WDR33: variants seen among roughly 807,000 people sequenced by gnomAD.
WDR33 encodes pre-mRNA 3' end processing protein WDR33.
A neutral mutation model predicts 164.9 loss-of-function variants in WDR33; 47 were observed. The observed-to-expected ratio is 0.29, with a 90% CI of 0.23 to 0.36. WDR33 has a LOEUF of 0.36. Ranked by LOEUF, WDR33 falls within the 10% of genes least tolerant of loss-of-function variation. WDR33 has a pLI of 1.00. For synonymous variants in WDR33, 505 were observed against 589.0 expected, an observed-to-expected ratio of 0.86 and a Z score of 2.06; for missense variants, 1,137 against 1,754.1, an observed-to-expected ratio of 0.65 and a Z score of 6.28.
At chr2:127,798,367 C>CAAAAAAAAAAAAAA (rs61568967) in intron 1 of WDR33, among the ~76,000 whole-genome samples, 1 of 19,298 alleles carries the variant, frequency 5.2e-5, no homozygotes, top group Non-Finnish European at 1.2e-4. Context: ...GACACCGTCG[C>CAAAAAAAAAAAAAA]AAAAAAAAAA....
chr2:127,713,298 C>T lies in WDR33; in HGVS notation c.3308+285G>A, dbSNP rs1390684560. On this transcript the variant is annotated intron_variant, in intron 18 of 21. Coordinates refer to ENST00000322313, the MANE Select transcript of WDR33 (RefSeq NM_018383.5). This position sits in a 1 kb window ranked among gnomAD's most constrained non-coding sequence, Gnocchi z 6.2. Reference sequence around the variant, plus strand: ...AGAACCTGGAAATTTTAAGTCAGATCCCAGCAAGTCTTGTAGTACACTGAT... The same window carrying T: ...AGAACCTGGAAATTTTAAGTCAGATTCCAGCAAGTCTTGTAGTACACTGAT... Among the ~76,000 whole-genome samples, 1 of 152,134 alleles carries T rather than the reference C, an allele frequency of 6.6e-6. No homozygotes were observed. Among genetic ancestry groups the T allele is most frequent in the Non-Finnish European group, 1.5e-5 (1 of 68,024 alleles).
chr2:127,701,738 C>T lies in WDR33; in HGVS notation c.*4585G>A, dbSNP rs1003940997. The T allele has an allele frequency of 2.1e-5, 30 of 1,408,490 alleles. 1 individual carries two copies. The Admixed American group carries it at 7.4e-4, about 35-fold the overall frequency. The allele number at this position is 1,408,490 out of a possible 1,614,324, so 87.2% of individuals were successfully genotyped here. Reference sequence around the variant, plus strand: ...CGGCCGGCCTGACGTGCCTCCCGAGCGTGACGCGCGGGCAGCGGCTGGCGG... The same window carrying T: ...CGGCCGGCCTGACGTGCCTCCCGAGTGTGACGCGCGGGCAGCGGCTGGCGG... On this transcript the variant is annotated 3_prime_UTR_variant, in exon 22 of 22. Transcript: ENST00000322313.
At position 127,763,806 on chromosome 2, in the gene WDR33, A is replaced by C; in HGVS notation, c.627-647T>G. 4 of 985,628 alleles carry C rather than the reference A, an allele frequency of 4.1e-6. No homozygotes were observed. The highest frequency in any genetic ancestry group is 4.8e-6 in the Non-Finnish European group (4 of 830,078). The allele number at this position is 985,628 out of a possible 1,614,324, so 61.1% of individuals were successfully genotyped here. On this transcript the variant is annotated intron_variant, in intron 6 of 21. Transcript: ENST00000322313. The surrounding 1 kb of genome is among the most constrained non-coding windows in gnomAD (Gnocchi z 4.5). ...CTGCAAGAAGGAGTCAGTTTTTCCC[A>C]GCAGTGAAAGATCATCAAGTTTCTC...
chr2:127,759,837 T>C (rs1204514869), intron 7 of WDR33, among the ~76,000 whole-genome samples: 1 of 152,206 alleles, frequency 6.6e-6, no homozygotes, highest in Non-Finnish European at 1.5e-5. Flanking sequence ...GCCCAGGAGT[T>C]TGAGACCAGC....
At position 127,706,061 on chromosome 2, in the gene WDR33, A is replaced by C; in HGVS notation, c.*262T>G. On this transcript the variant is annotated 3_prime_UTR_variant, in exon 22 of 22. Coordinates refer to ENST00000322313, the MANE Select transcript of WDR33 (RefSeq NM_018383.5). This position sits in a 1 kb window ranked among gnomAD's most constrained non-coding sequence, Gnocchi z 5.1. ...CCCCATGTCTTGTGAGACTTAAAAA[A>C]AAGAAAAAGATCCCAGCTTTTATCT... 2.6e-6 allele frequency: 1 copy of C among 386,732 alleles called. No homozygotes were observed. The highest frequency in any genetic ancestry group is 4.6e-6 in the Non-Finnish European group (1 of 219,002). 24.0% of individuals were successfully genotyped at this position (386,732 alleles called of 1,614,324 possible). A position where few individuals can be genotyped will look rare whatever the true frequency, so the allele number is the denominator to read the frequency against.
At chr2:127,796,774 G>A (rs6430952) in intron 1 of WDR33, among the ~76,000 whole-genome samples, 1 of 151,542 alleles carries the variant, frequency 6.6e-6, no homozygotes, top group Non-Finnish European at 1.5e-5. Context: ...TTTGTATTTC[G>A]GTCTCCTAAA....
In WDR33 at chr2:127,750,705, T is replaced by C. The variant is rs1188680189; in HGVS notation, c.724+12357A>G. Among the ~76,000 whole-genome samples the C allele has an allele frequency of 3.0e-3, 177 of 58,086 alleles. 4 individuals are homozygous for C. Among genetic ancestry groups the C allele is most frequent in the African/African-American group, 0.016 (157 of 9,678 alleles). 38.1% of individuals were successfully genotyped at this position (58,086 alleles called of 152,430 possible). A position where few individuals can be genotyped will look rare whatever the true frequency, so the allele number is the denominator to read the frequency against. ...ATATATATATATATATATATATATA[T>C]ATATATATGTATGTATGCATACATA... On this transcript the variant is annotated intron_variant, in intron 7 of 21. Transcript: ENST00000322313.
At position 127,701,995 on chromosome 2, in the gene WDR33, C is replaced by A; in HGVS notation, c.*4328G>T. The A allele has an allele frequency of 1.5e-6, 2 of 1,326,942 alleles. No homozygotes were observed. Among genetic ancestry groups the A allele is most frequent in the Non-Finnish European group, 1.9e-6 (2 of 1,041,886 alleles). The allele number at this position is 1,326,942 out of a possible 1,614,324, so 82.2% of individuals were successfully genotyped here. A position where few individuals can be genotyped will look rare whatever the true frequency, so the allele number is the denominator to read the frequency against. ...CTCTACATGGCAGCGCTGGGCGCCA[C>A]GCTGTTCGCCGCGCTGGGCCTTCGC... On this transcript the variant is annotated 3_prime_UTR_variant, in exon 22 of 22. Transcript: ENST00000322313.
chr2:127,725,350 G>A lies in WDR33; in HGVS notation c.852-135C>T, dbSNP rs974661242. The A allele has an allele frequency of 3.6e-5, 30 of 822,160 alleles. No homozygotes were observed. In the African/African-American group the frequency reaches 4.5e-4, roughly 12 times the overall value. 50.9% of individuals were successfully genotyped at this position (822,160 alleles called of 1,614,324 possible). ...AAGCAATAAAGCCTGTAACATTAAA[G>A]GATCACAGTTATAAACACACTTGAA... On this transcript the variant is annotated intron_variant, in intron 8 of 21. Coordinates refer to ENST00000322313, the MANE Select transcript of WDR33 (RefSeq NM_018383.5).
In WDR33 at chr2:127,701,343, C is replaced by T. The variant is rs973155974; in HGVS notation, c.*4980G>A. On this transcript the variant is annotated 3_prime_UTR_variant, in exon 22 of 22. Transcript: ENST00000322313. Reference sequence around the variant, plus strand: ...GGCGACTGCAAGCGGACAGGCAGCACCTGCGACCACGGTACTTGGGGACAC... The same window carrying T: ...GGCGACTGCAAGCGGACAGGCAGCATCTGCGACCACGGTACTTGGGGACAC... 1 of 469,316 alleles carries T rather than the reference C, an allele frequency of 2.1e-6. No homozygotes were observed. Among genetic ancestry groups the T allele is most frequent in the Non-Finnish European group, 3.3e-6 (1 of 298,780 alleles). 29.1% of individuals were successfully genotyped at this position (469,316 alleles called of 1,614,324 possible).
At chr2:127,711,778 A>ATTTTTTTTTTTTTTTTT (rs1375261650) in intron 18 of WDR33, among the ~76,000 whole-genome samples, 8 of 93,052 alleles carry the variant, frequency 8.6e-5, no homozygotes, top group African/African-American at 3.0e-4. Context: ...ATATATATAT[A>ATTTTTTTTTTTTTTTTT]TATTTTTTTT....
chr2:127,736,283 G>C, intron 7 of WDR33: 1 of 985,400 alleles, frequency 1.0e-6, no homozygotes, highest in South Asian at 4.7e-5. Context: ...ACTTCCGGGG[G>C]AGGAAGAGGA....
intron 7 of WDR33, among the ~76,000 whole-genome samples, chr2:127,730,461 AT>A (rs1686674218): frequency 6.7e-6 from 1 of 149,132 alleles, no homozygotes; most frequent in African/African-American, 2.5e-5. Flanking sequence ...ATTTAAGTGG[AT>A]TAAAAAAAAA....
chr2:127,736,853 G>A (rs1462519448), intron 7 of WDR33: 1 of 985,206 alleles, frequency 1.0e-6, no homozygotes, highest in East Asian at 1.1e-4. Context: ...CAATAACGTG[G>A]GGAAGGGTAT....
At chr2:127,797,915 G>A (rs1218319719) in intron 1 of WDR33, among the ~76,000 whole-genome samples, 1 of 151,980 alleles carries the variant, frequency 6.6e-6, no homozygotes, top group Non-Finnish European at 1.5e-5. Context: ...TCAGGGGGCT[G>A]AAGCAGGAGG....
intron 1 of WDR33, among the ~76,000 whole-genome samples, chr2:127,773,638 A>G (rs1456870301): frequency 1.3e-5 from 2 of 152,122 alleles, no homozygotes; most frequent in African/African-American, 2.4e-5. Context: ...AGTTGATTCA[A>G]TAAGGCTGGT....
chr2:127,757,866 T>G (rs1447777319), intron 7 of WDR33, among the ~76,000 whole-genome samples: 1 of 152,160 alleles, frequency 6.6e-6, no homozygotes. Flanking sequence ...AAAAGATCTT[T>G]GTGTAGACAG....
chr2:127,724,746 G>A lies in WDR33; in HGVS notation c.1085+141C>T. ...GAGGTACATTTTCTATTCCAAGCTG[G>A]ATTTACAGAACTGAAAACTGCAAGC... On this transcript the variant is annotated intron_variant, in intron 10 of 21. Transcript: ENST00000322313. This position sits in a 1 kb window ranked among gnomAD's most constrained non-coding sequence, Gnocchi z 4.8. The A allele has an allele frequency of 6.6e-6, 6 of 904,726 alleles. No individual in the cohort carries two copies. Among genetic ancestry groups the A allele is most frequent in the East Asian group, 2.4e-5 (1 of 41,438 alleles). The allele number at this position is 904,726 out of a possible 1,614,324, so 56.0% of individuals were successfully genotyped here.
chr2:127,809,780 G>A (rs1689581771), intron 1 of WDR33, among the ~76,000 whole-genome samples: 1 of 152,106 alleles, frequency 6.6e-6, no homozygotes. Context: ...GTACAGGAAA[G>A]ACAAGTTAAA....
Sources: gnomAD v4.1 joint callset for allele counts (sites outside exome capture counted in the v4.1 genomes callset) on GRCh38, gnomAD v4.1.1 for gene constraint, Gnocchi (gnomAD v3.1) non-coding constraint, MANE v1.5 for transcripts, NCBI Gene and HGNC (gene_info 2026-07-23, HGNC 2026-07-21) for gene names.